CD28: variants seen among roughly 807,000 people sequenced by gnomAD.
CD28 encodes the protein CD28 molecule.
Under a neutral mutation model 21.4 loss-of-function variants are expected in CD28, and 8 were observed. The observed-to-expected ratio is 0.37, with a 90% confidence interval of 0.22 to 0.68. CD28 has a LOEUF of 0.68. Ranked by LOEUF, CD28 falls within the 30% of genes least tolerant of loss-of-function variation. CD28 has a pLI of 0.55. For synonymous variants in CD28, 106 were observed against 104.0 expected (o/e 1.02, Z -0.12); for missense variants, 239 against 272.2 (o/e 0.88, Z 0.86).
chr2:203,717,820 T>C (rs374686087), intron 1 of CD28, among the ~76,000 whole-genome samples: 2 of 152,186 alleles, frequency 1.3e-5, no homozygotes, highest in Non-Finnish European at 2.9e-5. Context: ...TTTATCAAGC[T>C]TATTCAAAGC....
intron 3 of CD28, among the ~76,000 whole-genome samples, chr2:203,732,325 T>A (rs1205208384): frequency 1.3e-5 from 2 of 152,156 alleles, no homozygotes; most frequent in East Asian, 3.8e-4. Flanking sequence ...AATAAAGAGC[T>A]CCCTTTGGTC....
rs1455178807 is a variant in CD28, at chr2:203,736,248, A to C, written c.*1336A>C. ...AAAAAGGGATGTTAGCATTCATTAG[A>C]GTATGAGGATGAGTCCCAAGAAGGT... On this transcript the variant is annotated 3_prime_UTR_variant, in exon 4 of 4. Transcript: ENST00000324106. 1 of 152,610 alleles carries C rather than the reference A, an allele frequency of 6.6e-6. No homozygotes were observed. The highest frequency in any genetic ancestry group is 2.4e-5 in the African/African-American group (1 of 41,436). 9.5% of individuals were successfully genotyped at this position (152,610 alleles called of 1,614,324 possible). A position where few individuals can be genotyped will look rare whatever the true frequency, so the allele number is the denominator to read the frequency against.
rs113922969 is a variant in CD28 at position 203,726,621 on chromosome 2, T to C, written c.53-12T>C. 3.9e-5 allele frequency: 62 copies of C among 1,584,892 alleles called. 5 individuals are homozygous for C. The highest frequency in any genetic ancestry group is 3.4e-4 in the African/African-American group (25 of 73,790). On this transcript the variant is annotated splice_polypyrimidine_tract_variant and intron_variant, in intron 1 of 3. Coordinates refer to ENST00000324106, the MANE Select transcript of CD28 (RefSeq NM_006139.4). ...ATTCTTGTTCTAAGCAAATGATTTT[T>C]TTTTCCCCCAGGAAACAAGATTTTG...
At chr2:203,719,643 C>G (rs1405818828) in intron 1 of CD28, among the ~76,000 whole-genome samples, 2 of 152,182 alleles carry the variant, frequency 1.3e-5, no homozygotes, top group African/African-American at 4.8e-5. Context: ...CCTCTTTGAC[C>G]TCAGTTTCCC....
At chr2:203,707,701 G>A (rs1693197534) in intron 1 of CD28, among the ~76,000 whole-genome samples, 1 of 152,184 alleles carries the variant, frequency 6.6e-6, no homozygotes, top group African/African-American at 2.4e-5. Context: ...AAGAGACTGA[G>A]GGGTAGGCAC....
At chr2:203,732,119 G>T (rs1403276961) in intron 3 of CD28, among the ~76,000 whole-genome samples, 1 of 152,184 alleles carries the variant, frequency 6.6e-6, no homozygotes, top group Non-Finnish European at 1.5e-5. Flanking sequence ...GCTGTTTCCT[G>T]GGTAATTTTC....
At chr2:203,730,796 T>C (rs3116497) in intron 3 of CD28, among the ~76,000 whole-genome samples, 19,427 of 152,288 alleles carry the variant, frequency 0.13, 1,496 homozygotes, top group Middle Eastern at 0.19. Context: ...GCCTGAAGTA[T>C]GATACTCATC....
At chr2:203,722,787 G>C (rs980369597) in intron 1 of CD28, among the ~76,000 whole-genome samples, 2 of 152,220 alleles carry the variant, frequency 1.3e-5, no homozygotes, top group African/African-American at 4.8e-5. Context: ...TCTGTGCCAA[G>C]GAGTTAGTAG....
At chr2:203,718,588 A>G (rs1251603956) in intron 1 of CD28, among the ~76,000 whole-genome samples, 1 of 152,218 alleles carries the variant, frequency 6.6e-6, no homozygotes, top group Non-Finnish European at 1.5e-5. Context: ...TTCAACTGCA[A>G]AAGAAAGTCA....
Position 203,708,336 on chromosome 2 carries a change from C to A in CD28, c.52+1588C>A, listed in dbSNP as rs143808115. Among the ~76,000 whole-genome samples the A allele has an allele frequency of 2.4e-3, 371 of 152,284 alleles. 2 individuals are homozygous for A. The highest frequency in any genetic ancestry group is 8.4e-3 in the African/African-American group (351 of 41,548). On this transcript the variant is annotated intron_variant, in intron 1 of 3. Coordinates refer to ENST00000324106, the MANE Select transcript of CD28 (RefSeq NM_006139.4). ...GTTTACAGCTACCAAATATATTCTA[C>A]AAGAATCTTTAACATTTATTTTAAA...
intron 2 of CD28, among the ~76,000 whole-genome samples, chr2:203,727,765 C>T (rs972312550): frequency 1.3e-5 from 2 of 150,978 alleles, no homozygotes; most frequent in African/African-American, 2.4e-5. Context: ...CTGCAAGCTC[C>T]GCCTCCCAGG....
intron 3 of CD28, among the ~76,000 whole-genome samples, chr2:203,730,516 A>G (rs989880797): frequency 1.3e-5 from 2 of 152,140 alleles, no homozygotes; most frequent in African/African-American, 2.4e-5. Context: ...TTACTCAGAA[A>G]CTTCTTAGGT....
At chr2:203,718,060 T>A (rs982598288) in intron 1 of CD28, among the ~76,000 whole-genome samples, 5 of 152,180 alleles carry the variant, frequency 3.3e-5, no homozygotes, top group African/African-American at 1.2e-4. Context: ...ATAGCTTTGT[T>A]TTTATCTTCA....
At chr2:203,719,584 A>G (rs187064503) in intron 1 of CD28, among the ~76,000 whole-genome samples, 2 of 152,320 alleles carry the variant, frequency 1.3e-5, no homozygotes, top group East Asian at 3.9e-4. Context: ...TTATGAGCTT[A>G]AATTTCAAGG....
chr2:203,731,677 C>T (rs1693898016), intron 3 of CD28, among the ~76,000 whole-genome samples: 1 of 151,016 alleles, frequency 6.6e-6, no homozygotes, highest in African/African-American at 2.5e-5. Flanking sequence ...CTTGAGTCAC[C>T]CAAAGGGACA....
chr2:203,727,386 G>T (rs1342422892), intron 2 of CD28, among the ~76,000 whole-genome samples: 1 of 151,620 alleles, frequency 6.6e-6, no homozygotes, highest in African/African-American at 2.4e-5. Flanking sequence ...TTCTTTTTTT[G>T]TGCTCCATAA....
At chr2:203,710,008 T>G (rs1048109100) in intron 1 of CD28, among the ~76,000 whole-genome samples, 2 of 152,206 alleles carry the variant, frequency 1.3e-5, no homozygotes, top group Non-Finnish European at 1.5e-5. Flanking sequence ...ATTAAAAATT[T>G]TATTTGTACT....
intron 2 of CD28, 76 bp downstream of exon 2, chr2:203,727,065 C>A: frequency 1.1e-6 from 1 of 910,066 alleles, no homozygotes; most frequent in Non-Finnish European, 1.8e-6. Flanking sequence ...GGGTTGTGGT[C>A]AGTGGTGGGG....
chr2:203,711,516 C>T (rs1331684433), intron 1 of CD28, among the ~76,000 whole-genome samples: 1 of 152,200 alleles, frequency 6.6e-6, no homozygotes, highest in African/African-American at 2.4e-5. Context: ...TCCCTTATCT[C>T]TGCATTACCA....
Sources: gnomAD v4.1 joint callset for allele counts (sites outside exome capture counted in the v4.1 genomes callset) on GRCh38, gnomAD v4.1.1 for gene constraint, MANE v1.5 for transcripts, NCBI Gene and HGNC (gene_info 2026-07-23, HGNC 2026-07-21) for gene names.